Variants in CACNG2 observed in about 807,000 individuals in gnomAD.
The protein encoded by CACNG2 is calcium voltage-gated channel auxiliary subunit gamma 2.
Under a neutral mutation model 25.9 loss-of-function variants are expected in CACNG2, and 3 were observed. The ratio of observed to expected loss-of-function variants is 0.12; its 90% CI spans 0.05 to 0.30. The LOEUF is 0.30. CACNG2 is among the 10% of genes least tolerant of loss of function. The pLI is 1.00. For missense variants in CACNG2, 341 were observed against 432.5 expected, an observed-to-expected ratio of 0.79 and a Z score of 1.88; for synonymous variants, 167 against 173.3, an observed-to-expected ratio of 0.96 and a Z score of 0.29.
chr22:36,646,602 G>A (rs929177153), intron 1 of CACNG2, among the ~76,000 whole-genome samples: 4 of 151,892 alleles, frequency 2.6e-5, no homozygotes, highest in Admixed American at 1.3e-4. Context: ...TGTAAAACCC[G>A]TATCTGGAAT....
intron 1 of CACNG2, among the ~76,000 whole-genome samples, chr22:36,607,398 G>T (rs1231248636): frequency 2.0e-5 from 3 of 152,084 alleles, no homozygotes; most frequent in African/African-American, 7.2e-5. Flanking sequence ...TGGGACTACA[G>T]ACACGCGCAA....
intron 1 of CACNG2, among the ~76,000 whole-genome samples, chr22:36,596,767 C>CA: frequency 1.3e-5 from 2 of 151,966 alleles, no homozygotes; most frequent in South Asian, 4.2e-4. Context: ...CTCTTCAGTT[C>CA]TTTTTTTTGA....
intron 1 of CACNG2, among the ~76,000 whole-genome samples, chr22:36,699,263 A>G (rs1023201407): frequency 6.6e-6 from 1 of 151,686 alleles, no homozygotes; most frequent in South Asian, 2.1e-4. Flanking sequence ...ACACACACAC[A>G]CACACACACA....
At chr22:36,657,186 C>G (rs1276325513) in intron 1 of CACNG2, among the ~76,000 whole-genome samples, 1 of 152,190 alleles carries the variant, frequency 6.6e-6, no homozygotes, top group Non-Finnish European at 1.5e-5. Context: ...GATGAGATGT[C>G]TGCATCTTAA....
chr22:36,580,452 T>C (rs1935396112), intron 2 of CACNG2, among the ~76,000 whole-genome samples: 1 of 152,068 alleles, frequency 6.6e-6, no homozygotes, highest in African/African-American at 2.4e-5. Flanking sequence ...GGGAGCTGAG[T>C]GGGGGCATCT....
chr22:36,700,018 T>A (rs938999783), intron 1 of CACNG2, among the ~76,000 whole-genome samples: 1 of 152,252 alleles, frequency 6.6e-6, no homozygotes, highest in Admixed American at 6.5e-5. Flanking sequence ...CTTCCTGCCC[T>A]GGCCATGGCT....
intron 1 of CACNG2, among the ~76,000 whole-genome samples, chr22:36,679,193 CCTTCCTTT>C (rs1183336067): frequency 0.13 from 5,928 of 47,214 alleles, 133 homozygotes; most frequent in Middle Eastern, 0.21. Context: ...TTCCTTCCTT[CCTTCCTTT>C]CTTTCTTTCT....
chr22:36,622,023 A>G (rs1362594778), intron 1 of CACNG2, among the ~76,000 whole-genome samples: 4 of 152,158 alleles, frequency 2.6e-5, no homozygotes, highest in African/African-American at 9.7e-5. Context: ...AAGGCTTTCT[A>G]TCTATGATCT....
intron 1 of CACNG2, among the ~76,000 whole-genome samples, chr22:36,592,775 C>G (rs1033955533): frequency 2.0e-5 from 3 of 152,176 alleles, no homozygotes; most frequent in Admixed American, 2.0e-4. Context: ...GAGTAAGGGT[C>G]ATTCCACCTC....
chr22:36,592,753 G>T (rs1332554562), intron 1 of CACNG2, among the ~76,000 whole-genome samples: 1 of 152,158 alleles, frequency 6.6e-6, no homozygotes, highest in Admixed American at 6.5e-5. Context: ...TGCTCCCCAA[G>T]CTTCCCTGTT....
chr22:36,687,073 T>C (rs1353634768), intron 1 of CACNG2, among the ~76,000 whole-genome samples: 1 of 152,224 alleles, frequency 6.6e-6, no homozygotes, highest in Non-Finnish European at 1.5e-5. Flanking sequence ...CCTTGTTTTT[T>C]TGTGCCATCC....
intron 1 of CACNG2, among the ~76,000 whole-genome samples, chr22:36,599,860 A>G (rs1935728602): frequency 6.6e-6 from 1 of 152,124 alleles, no homozygotes; most frequent in Admixed American, 6.6e-5. Flanking sequence ...GTTTCCAAAT[A>G]TGTCTTGTTC....
chr22:36,633,767 G>A (rs77419988), intron 1 of CACNG2, among the ~76,000 whole-genome samples: 1,651 of 152,306 alleles, frequency 0.011, 40 homozygotes, highest in African/African-American at 0.038. Context: ...ATGTACCTCC[G>A]TACTGCAAGG....
chr22:36,654,515 A>G (rs1466268015), intron 1 of CACNG2, among the ~76,000 whole-genome samples: 2 of 152,044 alleles, frequency 1.3e-5, no homozygotes, highest in East Asian at 1.9e-4. Context: ...TACAGGTGTG[A>G]CCCACTGTGC....
chr22:36,568,050 A>G (rs1180729497), intron 2 of CACNG2, among the ~76,000 whole-genome samples: 1 of 152,078 alleles, frequency 6.6e-6, no homozygotes. Context: ...GGGTTTCACT[A>G]TGTTGGCCAG....
intron 1 of CACNG2, among the ~76,000 whole-genome samples, chr22:36,625,268 G>A (rs542351801): frequency 2.6e-5 from 4 of 152,274 alleles, no homozygotes; most frequent in Admixed American, 2.0e-4. Flanking sequence ...CCACTAACTT[G>A]CTGTGTGACC....
At chr22:36,655,811 C>CT (rs376906326) in intron 1 of CACNG2, among the ~76,000 whole-genome samples, 1,144 of 110,436 alleles carry the variant, frequency 0.01, 11 homozygotes, top group South Asian at 0.056. Flanking sequence ...TTCTTTCTTT[C>CT]TTTTTTTTTT....
In CACNG2 at chr22:36,580,423, C is replaced by T. The variant is rs117016911; in HGVS notation, c.295+7042G>A. On this transcript the variant is annotated intron_variant, in intron 2 of 3. Coordinates refer to ENST00000300105, the MANE Select transcript of CACNG2 (RefSeq NM_006078.5). ...CAAATTTAAGCGCAACTGGGTGTACCTCTCTTGTGTGTGTTGTGGGGAGCT... is the reference window on the plus strand; with the variant it reads ...CAAATTTAAGCGCAACTGGGTGTACTTCTCTTGTGTGTGTTGTGGGGAGCT... Among the ~76,000 whole-genome samples, 14 of 152,250 alleles carry T rather than the reference C, an allele frequency of 9.2e-5. 1 individual carries two copies. The East Asian group carries it at 2.7e-3, about 29-fold the overall frequency.
intron 1 of CACNG2, among the ~76,000 whole-genome samples, chr22:36,631,113 G>A (rs1936263099): frequency 6.6e-6 from 1 of 152,142 alleles, no homozygotes; most frequent in Non-Finnish European, 1.5e-5. Flanking sequence ...ACAGGCGTGA[G>A]CCACCGTACC....
Sources: allele counts gnomAD v4.1 joint callset (sites outside exome capture counted in the v4.1 genomes callset), GRCh38; gene constraint gnomAD v4.1.1; transcripts MANE v1.5; gene names NCBI Gene and HGNC (gene_info 2026-07-23, HGNC 2026-07-21).